Variants in MTA3 observed in about 807,000 individuals in gnomAD.
The protein encoded by MTA3 is metastasis associated 1 family member 3, also known as metastasis-associated protein MTA3.
In MTA3, 34 loss-of-function variants were observed where a neutral mutation model predicts 83.5. That is an observed-to-expected ratio of 0.41 (90% confidence interval 0.31 to 0.54). The LOEUF (loss-of-function observed/expected upper bound fraction) is 0.54, where lower values mean the gene tolerates loss of function less well. Among genes scored for constraint, MTA3 ranks in the 20% least tolerant of loss-of-function variants. The pLI is 0.33. For missense variants in MTA3, 761 were observed against 726.4 expected (o/e 1.05, Z -0.55); for synonymous variants, 303 against 252.7 (o/e 1.20, Z -1.89).
intron 2 of MTA3, among the ~76,000 whole-genome samples, chr2:42,541,944 CA>C (rs1676535910): frequency 6.6e-6 from 1 of 152,160 alleles, no homozygotes; most frequent in South Asian, 2.1e-4. Context: ...ATACTGAACC[CA>C]TGGGCCCAAA....
intron 10 of MTA3, 123 bp from the exon 11 acceptor site, chr2:42,697,653 A>C: frequency 4.5e-6 from 3 of 661,296 alleles, no homozygotes; most frequent in Non-Finnish European, 7.6e-6. Context: ...ATGAAAGAAA[A>C]GCTTAAGATG....
chr2:42,639,606 C>T (rs540866840), intron 4 of MTA3, among the ~76,000 whole-genome samples: 2 of 152,282 alleles, frequency 1.3e-5, no homozygotes, highest in African/African-American at 4.8e-5. Flanking sequence ...TATTTTGCCC[C>T]TTGCTCTATA....
At chr2:42,558,777 A>G (rs1451703578) in intron 2 of MTA3, among the ~76,000 whole-genome samples, 1 of 149,212 alleles carries the variant, frequency 6.7e-6, no homozygotes, top group Non-Finnish European at 1.5e-5. Context: ...CTGGTCTCAA[A>G]CTCCTGAGCT....
intron 2 of MTA3, among the ~76,000 whole-genome samples, chr2:42,506,172 C>T (rs887624922): frequency 2.0e-5 from 3 of 152,196 alleles, no homozygotes; most frequent in South Asian, 4.1e-4. Flanking sequence ...AAGCCCAGTA[C>T]GGTGGCTCAT....
intron 8 of MTA3, among the ~76,000 whole-genome samples, chr2:42,665,471 C>T (rs1056750414): frequency 6.6e-5 from 10 of 152,162 alleles, no homozygotes; most frequent in African/African-American, 2.4e-4. Flanking sequence ...GAACAAAATT[C>T]CTTAGAACCA....
chr2:42,580,295 C>A lies in MTA3; in HGVS notation c.190+1095C>A, dbSNP rs1573041896. On this transcript the variant is annotated intron_variant, in intron 3 of 16. Coordinates refer to ENST00000405094, the MANE Select transcript of MTA3 (RefSeq NM_001330442.2). ...CATGCCCAGCCACATTTTTCCCCCCCTTCTTTTCAGTTCAGGGGTACCTGT... is the reference window on the plus strand; with the variant it reads ...CATGCCCAGCCACATTTTTCCCCCCATTCTTTTCAGTTCAGGGGTACCTGT... Among the ~76,000 whole-genome samples the A allele has an allele frequency of 2.6e-5, 4 of 151,770 alleles. 1 individual carries two copies.
chr2:42,623,482 A>G (rs931957995), intron 4 of MTA3, among the ~76,000 whole-genome samples: 2 of 152,194 alleles, frequency 1.3e-5, no homozygotes, highest in African/African-American at 4.8e-5. Context: ...CTCTAGAGGC[A>G]GTGCTCTCCT....
intron 13 of MTA3, among the ~76,000 whole-genome samples, chr2:42,708,416 C>T (rs1450729589): frequency 3.3e-5 from 5 of 152,108 alleles, no homozygotes; most frequent in Admixed American, 6.5e-5. Flanking sequence ...TTTTTCTCCC[C>T]GTGGCTGTTT....
chr2:42,597,175 G>T (rs1681902307), intron 3 of MTA3, among the ~76,000 whole-genome samples: 1 of 151,760 alleles, frequency 6.6e-6, no homozygotes, highest in African/African-American at 2.4e-5. Flanking sequence ...GCCTACCAAA[G>T]AATTGGGATT....
chr2:42,520,499 C>T (rs1170274264), intron 2 of MTA3, among the ~76,000 whole-genome samples: 1 of 152,150 alleles, frequency 6.6e-6, no homozygotes, highest in African/African-American at 2.4e-5. Context: ...AGGATTGCTT[C>T]CTTCGTGACC....
At position 42,755,556 on chromosome 2, in the gene MTA3, A is replaced by G. The variant is rs1026745402; in HGVS notation, c.*2157A>G. ...GGTTCTGTAGTCCAGTCATCCTAGG[A>G]GGGTGATGTTGACTGAGACTTCACG... On this transcript the variant is annotated 3_prime_UTR_variant, in exon 17 of 17. Transcript: ENST00000405094. 5.1e-6 allele frequency: 5 copies of G among 985,402 alleles called. No individual in the cohort carries two copies. Among genetic ancestry groups the G allele is most frequent in the Non-Finnish European group, 6.0e-6 (5 of 829,938 alleles). The allele number at this position is 985,402 out of a possible 1,614,324, so 61.0% of individuals were successfully genotyped here. A position where few individuals can be genotyped will look rare whatever the true frequency, so the allele number is the denominator to read the frequency against.
intron 13 of MTA3, 37 bp from the exon 14 acceptor site, chr2:42,708,837 C>T: frequency 3.1e-6 from 5 of 1,608,684 alleles, no homozygotes; most frequent in Non-Finnish European, 4.2e-6. Flanking sequence ...TGGGCAAGTT[C>T]ACTTCCTTGA....
At chr2:42,582,102 G>T (rs1179949630) in intron 3 of MTA3, among the ~76,000 whole-genome samples, 2 of 151,908 alleles carry the variant, frequency 1.3e-5, no homozygotes, top group African/African-American at 4.8e-5. Flanking sequence ...GTGTCGCCCA[G>T]GCTGGAGTGT....
At chr2:42,713,937 C>G (rs896506402) in intron 14 of MTA3, among the ~76,000 whole-genome samples, 1 of 152,018 alleles carries the variant, frequency 6.6e-6, no homozygotes, top group African/African-American at 2.4e-5. Flanking sequence ...AAGATAGATC[C>G]CTAAAAGTTA....
At chr2:42,578,892 GTTATTATATGTT>G (rs1356333397) in intron 2 of MTA3, among the ~76,000 whole-genome samples, 2 of 152,116 alleles carry the variant, frequency 1.3e-5, no homozygotes, top group African/African-American at 4.8e-5. Context: ...TAATGCCAGT[GTTATTATATGTT>G]TGACATTCCA....
At chr2:42,504,341 G>A (rs1302106473) in intron 2 of MTA3, among the ~76,000 whole-genome samples, 1 of 152,078 alleles carries the variant, frequency 6.6e-6, no homozygotes, top group African/African-American at 2.4e-5. Flanking sequence ...CCAGGTTCAC[G>A]TGATTCTCCT....
At position 42,707,971 on chromosome 2, in the gene MTA3, T is replaced by C; in HGVS notation, c.1219T>C (p.Trp407Arg). ...NMQCRLCAICWLYWKKYGGLK... is the reference protein window; with the variant it reads ...NMQCRLCAICRLYWKKYGGLK... ...GCAGTGTAGATTATGTGCAATTTGT[T>C]GGCTTTATTGGAAAAAATATGGAGG... The change falls in exon 13 of 17, where the codon TGG becomes CGG. Residue 407 changes from tryptophan (W) to arginine (R), a missense_variant. By Grantham distance (101) the Trp-to-Arg change is moderately radical (BLOSUM62 -3). Transcript: ENST00000405094. 1 of 1,613,496 alleles carries C rather than the reference T, an allele frequency of 6.2e-7. No individual in the cohort carries two copies. Among genetic ancestry groups the C allele is most frequent in the Non-Finnish European group, 8.5e-7 (1 of 1,179,766 alleles).
chr2:42,579,429 A>ATAT (rs1436720870), intron 3 of MTA3, among the ~76,000 whole-genome samples: 2 of 140,172 alleles, frequency 1.4e-5, no homozygotes, highest in African/African-American at 2.6e-5. Flanking sequence ...ATATATATAT[A>ATAT]TTTTTTTTTT....
intron 6 of MTA3, among the ~76,000 whole-genome samples, chr2:42,644,860 T>C (rs550260638): frequency 1.3e-5 from 2 of 152,300 alleles, no homozygotes; most frequent in East Asian, 3.9e-4. Context: ...CTCCACTGAC[T>C]GTCCCTTCCC....
Sources: allele counts gnomAD v4.1 joint callset (sites outside exome capture counted in the v4.1 genomes callset), GRCh38; gene constraint gnomAD v4.1.1; transcripts MANE v1.5; gene names NCBI Gene and HGNC (gene_info 2026-07-23, HGNC 2026-07-21).